The following BAIAP2L1 variants were observed in gnomAD, a reference collection of about 807,000 sequenced individuals.
The protein encoded by BAIAP2L1 is BAR/IMD domain containing adaptor protein 2 like 1, also known as BAR/IMD domain-containing adapter protein 2-like 1.
Under a neutral mutation model 66.3 loss-of-function variants are expected in BAIAP2L1, and 35 were observed. The ratio of observed to expected loss-of-function variants is 0.53; its 90% confidence interval spans 0.40 to 0.70. The LOEUF (loss-of-function observed/expected upper bound fraction) is 0.70. Among genes scored for constraint, BAIAP2L1 ranks in the 30% least tolerant of loss-of-function variants. The pLI, the probability that BAIAP2L1 is intolerant of heterozygous loss-of-function variation, is 0.00. For synonymous variants in BAIAP2L1, 269 were observed against 248.7 expected (o/e 1.08, Z -0.77); for missense variants, 622 against 656.9 (o/e 0.95, Z 0.58).
intron 12 of BAIAP2L1, among the ~76,000 whole-genome samples, chr7:98,300,682 A>C (rs1452021550): frequency 6.6e-6 from 1 of 152,074 alleles, no homozygotes; most frequent in Non-Finnish European, 1.5e-5. Flanking sequence ...GGCACTGCTC[A>C]GGAAGCACCA....
rs551616347 is a variant in BAIAP2L1, at chr7:98,342,618, T to G, written c.214+12424A>C. The stretch of plus-strand genomic sequence containing the variant: ...CTGACTAAACTACAACAAAATAACA[T>G]AGCCTAAATTTACATAATGGTGAGC... On this transcript the variant is annotated intron_variant, in intron 3 of 13. Coordinates refer to ENST00000005260, the MANE Select transcript of BAIAP2L1 (RefSeq NM_018842.5). 1.2e-4 allele frequency among the ~76,000 whole-genome samples: 19 copies of G among 152,216 alleles called. No individual in the cohort carries two copies. In the South Asian group the frequency reaches 3.9e-3, roughly 32 times the overall value.
chr7:98,376,753 A>C (rs1216276588), intron 1 of BAIAP2L1, among the ~76,000 whole-genome samples: 2 of 151,738 alleles, frequency 1.3e-5, no homozygotes, highest in East Asian at 3.9e-4. Flanking sequence ...AATCACTTGA[A>C]CCCGGGAGGT....
chr7:98,320,898 G>A (rs1349694571), intron 3 of BAIAP2L1, among the ~76,000 whole-genome samples: 3 of 151,854 alleles, frequency 2.0e-5, no homozygotes, highest in East Asian at 1.9e-4. Flanking sequence ...GCTCTGTCAC[G>A]CAGGCTGGAG....
chr7:98,359,566 C>T lies in BAIAP2L1; in HGVS notation c.127+2791G>A, dbSNP rs540486986. The stretch of plus-strand genomic sequence containing the variant: ...GATTACAGGCGTGAGCCATCGCGCC[C>T]GGCCGACTTGCTGTCTTTTATGCGT... On this transcript the variant is annotated intron_variant, in intron 2 of 13. Coordinates refer to ENST00000005260, the MANE Select transcript of BAIAP2L1 (RefSeq NM_018842.5). 5.9e-5 allele frequency among the ~76,000 whole-genome samples: 9 copies of T among 151,970 alleles called. No homozygotes were observed. The South Asian group carries it at 8.4e-4, about 14-fold the overall frequency.
chr7:98,350,995 T>C lies in BAIAP2L1; in HGVS notation c.214+4047A>G, dbSNP rs1801987286. On this transcript the variant is annotated intron_variant, in intron 3 of 13. Transcript: ENST00000005260. Reference sequence around the variant, plus strand: ...TATCAGCCTCTCAAGTAGCTGGAATTACAGGCATGCGCCACCATGCCTGGC... The same window carrying C: ...TATCAGCCTCTCAAGTAGCTGGAATCACAGGCATGCGCCACCATGCCTGGC... 2.0e-5 allele frequency among the ~76,000 whole-genome samples: 3 copies of C among 152,082 alleles called. No individual in the cohort carries two copies. The South Asian group carries it at 6.2e-4, about 31-fold the overall frequency.
rs570812944 is a variant in BAIAP2L1 at position 98,378,238 on chromosome 7, A to G, written c.52-15806T>C. 7.9e-5 allele frequency among the ~76,000 whole-genome samples: 12 copies of G among 152,360 alleles called. No individual in the cohort carries two copies. The East Asian group carries it at 2.1e-3, about 27-fold the overall frequency. On this transcript the variant is annotated intron_variant, in intron 1 of 13. Transcript: ENST00000005260. ...GCATTAAAAAATAACACGACTGGAA[A>G]TAGCTAAGCATGGGGAGAGAAATGA...
rs1163315852 is a variant in BAIAP2L1, at chr7:98,296,565, G to GA, written c.1423-2455_1423-2454insT. ...GCTTGAACAGGGAGGCAGAGGTTGT[G>GA]GTGAGCTGAGATTGCACCACTGCAC... On this transcript the variant is annotated intron_variant, in intron 12 of 13. Transcript: ENST00000005260. 8.5e-5 allele frequency among the ~76,000 whole-genome samples: 13 copies of GA among 152,118 alleles called. No homozygotes were observed. The East Asian group carries it at 2.5e-3, about 29-fold the overall frequency.
At chr7:98,301,676 T>C (rs948608623) in intron 12 of BAIAP2L1, among the ~76,000 whole-genome samples, 23 of 152,080 alleles carry the variant, frequency 1.5e-4, no homozygotes, top group Admixed American at 4.6e-4. Flanking sequence ...TGTGTGTGTG[T>C]GCACACGCGC....
At chr7:98,400,718 G>A (rs1204634500) in intron 1 of BAIAP2L1, 84 bp downstream of exon 1, 24 of 1,465,290 alleles carry the variant, frequency 1.6e-5, no homozygotes, top group East Asian at 1.2e-4. Flanking sequence ...TGGAGGGAGG[G>A]AAAGTACCTT....
rs1801156281 is a variant in BAIAP2L1, at chr7:98,318,797, A to C, written c.348+1261T>G. Among the ~76,000 whole-genome samples, 3 of 151,612 alleles carry C rather than the reference A, an allele frequency of 2.0e-5. No homozygotes were observed. The South Asian group carries it at 6.3e-4, about 32-fold the overall frequency. On this transcript the variant is annotated intron_variant, in intron 5 of 13. Transcript: ENST00000005260. ...GTCTCTACTAAAAAATACAAAAATTAGCCGGGTGCAGTGGTGGGTGCCTGT... is the reference window on the plus strand; with the variant it reads ...GTCTCTACTAAAAAATACAAAAATTCGCCGGGTGCAGTGGTGGGTGCCTGT...
At chr7:98,300,285 T>C (rs531389332) in intron 12 of BAIAP2L1, among the ~76,000 whole-genome samples, 1 of 152,258 alleles carries the variant, frequency 6.6e-6, no homozygotes, top group South Asian at 2.1e-4. Flanking sequence ...GCTCCCGCCC[T>C]TGGAGCAGCA....
chr7:98,353,083 C>T (rs1802034940), intron 3 of BAIAP2L1, among the ~76,000 whole-genome samples: 1 of 151,914 alleles, frequency 6.6e-6, no homozygotes, highest in Admixed American at 6.6e-5. Context: ...TTATTAAATT[C>T]ATTGTGCTTA....
At chr7:98,373,848 T>C (rs1331452372) in intron 1 of BAIAP2L1, among the ~76,000 whole-genome samples, 2 of 152,216 alleles carry the variant, frequency 1.3e-5, no homozygotes, top group Non-Finnish European at 1.5e-5. Context: ...TCTTCCACCC[T>C]GGTGTCATCA....
intron 11 of BAIAP2L1, 101 bp from the exon 12 acceptor site, chr7:98,304,477 C>A: frequency 8.6e-7 from 1 of 1,162,820 alleles, no homozygotes; most frequent in Non-Finnish European, 1.2e-6. Context: ...AATAGTACAT[C>A]ACCAATCAAA....
At chr7:98,331,367 C>G (rs922326840) in intron 3 of BAIAP2L1, among the ~76,000 whole-genome samples, 1 of 151,896 alleles carries the variant, frequency 6.6e-6, no homozygotes, top group Non-Finnish European at 1.5e-5. Flanking sequence ...CACCAAACCA[C>G]AGACCCAAAA....
At chr7:98,338,706 T>A (rs1801667768) in intron 3 of BAIAP2L1, among the ~76,000 whole-genome samples, 1 of 152,210 alleles carries the variant, frequency 6.6e-6, no homozygotes. Flanking sequence ...TTTCCACTTA[T>A]CAGCAGGTGG....
Position 98,306,521 on chromosome 7 carries a change from CG to C in BAIAP2L1, c.1164-6del. The C allele has an allele frequency of 6.2e-7, 1 of 1,614,080 alleles. No homozygotes were observed. Among genetic ancestry groups the C allele is most frequent in the Non-Finnish European group, 8.5e-7 (1 of 1,180,030 alleles). On this transcript the variant is annotated splice_region_variant and splice_polypyrimidine_tract_variant and intron_variant, in intron 10 of 13. Coordinates refer to ENST00000005260, the MANE Select transcript of BAIAP2L1 (RefSeq NM_018842.5). ...GACGACGGGAACCAACCCCTCCTAC[CG>C]GCAAAGAGGGAGAAAAGACCCTATC...
rs1351951784 is a variant in BAIAP2L1, at chr7:98,312,190, T to G, written c.714A>C (p.Lys238Asn). 8 of 1,614,130 alleles carry G rather than the reference T, an allele frequency of 5.0e-6. No individual in the cohort carries two copies. The East Asian group carries it at 1.6e-4, about 31-fold the overall frequency. ...TTATTTCTTCGATCATATTCATGAT[T>G]TTCTCTGGCACTTTGATGGCATCAA... ...TCVDAIKVPE[K>N]IMNMIEEIKT... Residue 238 changes from lysine to asparagine, a missense_variant, in exon 8 of 14, where the codon AAA becomes AAC. By Grantham distance (94) the Lys-to-Asn change is moderately conservative (BLOSUM62 0). Coordinates refer to ENST00000005260, the MANE Select transcript of BAIAP2L1 (RefSeq NM_018842.5).
rs58526170 is a variant in BAIAP2L1 at position 98,394,242 on chromosome 7, A to AAAACAAACAAACAAACAAAC, written c.51+6559_51+6560insGTTTGTTTGTTTGTTTGTTT. ...TGGGCGACAGGGAGACTCCGTCTCA[A>AAAACAAACAAACAAACAAAC]AAACAAACAAACAAACAAAAAAACC... On this transcript the variant is annotated intron_variant, in intron 1 of 13. Coordinates refer to ENST00000005260, the MANE Select transcript of BAIAP2L1 (RefSeq NM_018842.5). 4.9e-3 allele frequency among the ~76,000 whole-genome samples: 731 copies of AAAACAAACAAACAAACAAAC among 150,550 alleles called. 20 individuals carry two copies. The East Asian group carries it at 0.069, about 14-fold the overall frequency.
Sources: gnomAD v4.1 joint callset for allele counts (sites outside exome capture counted in the v4.1 genomes callset) on GRCh38, gnomAD v4.1.1 for gene constraint, MANE v1.5 for transcripts, NCBI Gene and HGNC (gene_info 2026-07-23, HGNC 2026-07-21) for gene names.